Variants in TTC1 observed in about 807,000 individuals in gnomAD.
TTC1 encodes tetratricopeptide repeat protein 1.
Under a neutral mutation model 37.6 loss-of-function variants are expected in TTC1, and 31 were observed. The ratio of observed to expected loss-of-function variants is 0.82; its 90% confidence interval spans 0.62 to 1.11. The LOEUF is 1.11. Ranked by LOEUF, TTC1 falls within the 50% of genes most tolerant of loss-of-function variation. The pLI is 0.00. For missense variants in TTC1, 351 were observed against 339.0 expected (o/e 1.04, Z -0.28); for synonymous variants, 127 against 122.4 (o/e 1.04, Z -0.25).
chr5:160,064,721 G>A (rs1337247972), intron 7 of TTC1, among the ~76,000 whole-genome samples: 1 of 152,216 alleles, frequency 6.6e-6, no homozygotes, highest in East Asian at 1.9e-4. Context: ...CACAGGCTGA[G>A]GGTGGATGGC....
intron 1 of TTC1, among the ~76,000 whole-genome samples, chr5:160,009,440 A>G (rs1756453737): frequency 1.3e-5 from 2 of 152,060 alleles, no homozygotes; most frequent in African/African-American, 4.8e-5. Context: ...GTCGTGATAC[A>G]AGGGTCGTTG....
chr5:160,023,724 C>T, intron 2 of TTC1: 3 of 1,606,474 alleles, frequency 1.9e-6, no homozygotes, highest in Non-Finnish European at 2.6e-6. Context: ...CTTTCCACTC[C>T]TATGTGCTTC....
chr5:160,048,126 C>CT lies in TTC1; in HGVS notation c.542-1352dup, dbSNP rs56201199. Among the ~76,000 whole-genome samples, 13 of 35,570 alleles carry CT rather than the reference C, an allele frequency of 3.7e-4. 4 individuals are homozygous for CT. The highest frequency in any genetic ancestry group is 4.9e-4 in the African/African-American group (4 of 8,212). 23.3% of individuals were successfully genotyped at this position (35,570 alleles called of 152,430 possible). A position where few individuals can be genotyped will look rare whatever the true frequency, so the allele number is the denominator to read the frequency against. ...AAAAAGTTCTAGAGCCAAGACATTG[C>CT]TTTTTTTTTTTTTTTTTTTTTTTTT... On this transcript the variant is annotated intron_variant, in intron 5 of 7. Transcript: ENST00000231238.
chr5:160,050,520 G>GTA (rs1313508094), intron 6 of TTC1, among the ~76,000 whole-genome samples: 1 of 151,286 alleles, frequency 6.6e-6, no homozygotes. Flanking sequence ...CATCTGATAT[G>GTA]TATCCTTTCA....
At position 160,046,329 on chromosome 5, in the gene TTC1, C is replaced by A. The variant is rs1280688073; in HGVS notation, c.541+3160C>A. Among the ~76,000 whole-genome samples the A allele has an allele frequency of 2.0e-5, 3 of 152,138 alleles. No homozygotes were observed. In the East Asian group the frequency reaches 5.8e-4, roughly 29 times the overall value. On this transcript the variant is annotated intron_variant, in intron 5 of 7. Transcript: ENST00000231238. ...CCTGCATTTAATACAGTTTATCATT[C>A]CTTTCTCCTTTAAAATTCTCTCTCT...
intron 7 of TTC1, among the ~76,000 whole-genome samples, chr5:160,061,249 C>G (rs1226868833): frequency 6.6e-6 from 1 of 152,228 alleles, no homozygotes; most frequent in Non-Finnish European, 1.5e-5. Flanking sequence ...CCTTTGGTGC[C>G]TGGTTCAAGT....
chr5:160,023,476 A>G (rs1310414032), intron 2 of TTC1, among the ~76,000 whole-genome samples: 3 of 151,844 alleles, frequency 2.0e-5, no homozygotes, highest in Non-Finnish European at 4.4e-5. Context: ...TATTTTTAGG[A>G]GAGACACGGT....
intron 7 of TTC1, among the ~76,000 whole-genome samples, chr5:160,058,573 G>A (rs1022097781): frequency 1.3e-5 from 2 of 151,952 alleles, no homozygotes; most frequent in African/African-American, 4.8e-5. Context: ...ACCAAGCCCG[G>A]CTAATTTTTT....
intron 1 of TTC1, 100 bp from the exon 2 acceptor site, chr5:160,010,400 G>T (rs1419201605): frequency 5.2e-5 from 33 of 632,620 alleles, no homozygotes; most frequent in Non-Finnish European, 8.1e-5. Flanking sequence ...AAATTACGGT[G>T]TGTTTTTTGG....
chr5:160,056,834 C>T (rs770610086), intron 7 of TTC1, among the ~76,000 whole-genome samples: 1 of 152,134 alleles, frequency 6.6e-6, no homozygotes, highest in Non-Finnish European at 1.5e-5. Context: ...TCTGGCTATA[C>T]CTGGACATTG....
At chr5:160,061,451 C>T (rs1286751921) in intron 7 of TTC1, among the ~76,000 whole-genome samples, 1 of 152,098 alleles carries the variant, frequency 6.6e-6, no homozygotes, top group Admixed American at 6.5e-5. Flanking sequence ...GTGTATAGAC[C>T]ATGTCATGTA....
intron 2 of TTC1, among the ~76,000 whole-genome samples, chr5:160,014,118 T>C (rs1393139501): frequency 1.3e-5 from 2 of 152,118 alleles, no homozygotes; most frequent in East Asian, 3.9e-4. Context: ...TCTGGGAGGC[T>C]GAGGCAGGCA....
chr5:160,062,824 T>G (rs2113424816), intron 7 of TTC1, among the ~76,000 whole-genome samples: 1 of 152,098 alleles, frequency 6.6e-6, no homozygotes, highest in East Asian at 1.9e-4. Context: ...TTTTCCCCCT[T>G]CCTGTCCTCT....
At chr5:160,014,155 C>T (rs1206880929) in intron 2 of TTC1, among the ~76,000 whole-genome samples, 12 of 151,856 alleles carry the variant, frequency 7.9e-5, no homozygotes, top group African/African-American at 2.4e-4. Flanking sequence ...GAGTTCGACC[C>T]GAGACCAGCC....
At chr5:160,063,247 GCT>G (rs770673478) in intron 7 of TTC1, among the ~76,000 whole-genome samples, 12 of 151,984 alleles carry the variant, frequency 7.9e-5, no homozygotes, top group Non-Finnish European at 1.8e-4. Flanking sequence ...CGTTTTTTTT[GCT>G]CTGTTACCCA....
intron 4 of TTC1, among the ~76,000 whole-genome samples, chr5:160,042,743 A>G (rs1445896928): frequency 6.6e-6 from 1 of 152,232 alleles, no homozygotes; most frequent in East Asian, 1.9e-4. Flanking sequence ...ACTTTGGGGT[A>G]TGATAGTATA....
At chr5:160,018,415 G>A (rs1371569747) in intron 2 of TTC1, among the ~76,000 whole-genome samples, 1 of 152,218 alleles carries the variant, frequency 6.6e-6, no homozygotes, top group Non-Finnish European at 1.5e-5. Context: ...CAGAGACTTA[G>A]GGGAGGGTGG....
chr5:160,031,228 C>T (rs575187738), intron 2 of TTC1, among the ~76,000 whole-genome samples: 6 of 152,268 alleles, frequency 3.9e-5, no homozygotes, highest in Non-Finnish European at 7.4e-5. Flanking sequence ...TTAATTTGCA[C>T]AATCTGTGGA....
At chr5:160,043,321 A>G (rs1757134782) in intron 5 of TTC1, 152 bp downstream of exon 5, 1 of 644,306 alleles carries the variant, frequency 1.6e-6, no homozygotes. Context: ...ATACTATATA[A>G]TAGAGTAACT....
Sources: allele counts gnomAD v4.1 joint callset (sites outside exome capture counted in the v4.1 genomes callset), GRCh38; gene constraint gnomAD v4.1.1; transcripts MANE v1.5; gene names NCBI Gene and HGNC (gene_info 2026-07-23, HGNC 2026-07-21).